The following CLCN5 variants were observed in gnomAD, a reference collection of about 807,000 sequenced individuals.
CLCN5 encodes Cl-/H+ antiporter 5, also known as H(+)/Cl(-) exchange transporter 5.
Under a neutral mutation model 54.0 loss-of-function variants are expected in CLCN5, and 17 were observed. That is an observed-to-expected ratio of 0.31 (90% CI 0.22 to 0.47). The LOEUF is 0.47. Ranked by LOEUF, CLCN5 falls within the 20% of genes least tolerant of loss-of-function variation. CLCN5 has a pLI of 1.00. For missense variants in CLCN5, 448 were observed against 646.7 expected (o/e 0.69, Z 3.33); for synonymous variants, 222 against 233.0 (o/e 0.95, Z 0.43).
rs1332637099 is a variant in CLCN5, at chrX:50,081,568, G to GGT, written c.727-72_727-71dup. On this transcript the variant is annotated intron_variant, in intron 8 of 14. Transcript: ENST00000376091. ...TCAAAAGGTGCAGTTTCTATAATGA[G>GGT]GTCCAGATTTTTGCTTCTTAGCCTT... is the stretch of plus-strand genomic sequence containing the variant. 5 of 784,933 alleles carry GGT rather than the reference G, an allele frequency of 6.4e-6. No homozygotes were observed. In the Admixed American group the frequency reaches 8.8e-5, roughly 14 times the overall value. The allele number at this position is 784,933 out of a possible 1,213,427, so 64.7% of individuals were successfully genotyped here. A position where few individuals can be genotyped will look rare whatever the true frequency, so the allele number is the denominator to read the frequency against.
chrX:50,006,230 T>C (rs782687236), intron 3 of CLCN5, among the ~76,000 whole-genome samples: 5 of 112,282 alleles, frequency 4.5e-5, no homozygotes, highest in South Asian at 3.7e-4. Flanking sequence ...ATACATTGCA[T>C]GTGAAGTGTG....
At chrX:50,040,930 C>T (rs1932193117) in intron 3 of CLCN5, among the ~76,000 whole-genome samples, 1 of 112,128 alleles carries the variant, frequency 8.9e-6, no homozygotes, top group Non-Finnish European at 1.9e-5. Flanking sequence ...TTAAAAACAA[C>T]AACAACAACA....
intron 4 of CLCN5, among the ~76,000 whole-genome samples, chrX:50,056,178 A>G (rs1213797835): frequency 9.0e-6 from 1 of 110,652 alleles, no homozygotes; most frequent in Non-Finnish European, 1.9e-5. Flanking sequence ...ACTAAAGAAT[A>G]ATTGCTAGTC....
intron 3 of CLCN5, among the ~76,000 whole-genome samples, chrX:50,040,554 A>G (rs1043275396): frequency 8.0e-5 from 9 of 112,289 alleles, no homozygotes; most frequent in African/African-American, 2.9e-4. Flanking sequence ...TTTATTTTAA[A>G]TTGACATATA....
At chrX:49,957,251 G>T (rs1927376343) in intron 3 of CLCN5, among the ~76,000 whole-genome samples, 1 of 111,350 alleles carries the variant, frequency 9.0e-6, no homozygotes, top group Non-Finnish European at 1.9e-5. Context: ...AGTGAGCCAA[G>T]ATTGCACCAC....
chrX:50,002,278 G>T (rs1290525151), intron 3 of CLCN5, among the ~76,000 whole-genome samples: 1 of 110,441 alleles, frequency 9.1e-6, no homozygotes, highest in Non-Finnish European at 1.9e-5. Flanking sequence ...TGTCTAATAA[G>T]TATCTCAAAA....
intron 3 of CLCN5, among the ~76,000 whole-genome samples, chrX:50,028,576 A>G (rs1179471097): frequency 8.9e-6 from 1 of 111,763 alleles, no homozygotes; most frequent in Non-Finnish European, 1.9e-5. Context: ...GTCTGTATCC[A>G]TCTGTCTCTT....
At chrX:50,034,425 T>C (rs1406313866) in intron 3 of CLCN5, among the ~76,000 whole-genome samples, 1 of 111,980 alleles carries the variant, frequency 8.9e-6, no homozygotes, top group Non-Finnish European at 1.9e-5. Flanking sequence ...TCCTCTTGCA[T>C]TCTCCCTTTT....
chrX:49,952,936 A>G (rs1456143074), intron 3 of CLCN5, among the ~76,000 whole-genome samples: 1 of 100,258 alleles, frequency 1.0e-5, no homozygotes, highest in Non-Finnish European at 2.0e-5. Context: ...CCCAGGCTGG[A>G]GTGCAATGGC....
intron 3 of CLCN5, among the ~76,000 whole-genome samples, chrX:49,940,564 C>T (rs781851494): frequency 8.9e-6 from 1 of 112,286 alleles, no homozygotes; most frequent in Admixed American, 9.5e-5. Flanking sequence ...TTTGGAAGGA[C>T]GGTATCTGCT....
intron 3 of CLCN5, among the ~76,000 whole-genome samples, chrX:49,965,221 G>A (rs1927781571): frequency 9.0e-6 from 1 of 111,193 alleles, no homozygotes; most frequent in South Asian, 3.7e-4. Context: ...TTGAGAACAT[G>A]TGATTTTTAT....
intron 4 of CLCN5, among the ~76,000 whole-genome samples, chrX:50,056,558 C>A (rs1557188975): frequency 8.9e-6 from 1 of 111,845 alleles, no homozygotes; most frequent in African/African-American, 3.3e-5. Context: ...TGGGAGCCTG[C>A]AGATACCAAG....
At position 50,045,238 on chromosome X, in the gene CLCN5, C is replaced by G. The variant is rs782638369; in HGVS notation, c.163+2776C>G. 2.7e-5 allele frequency among the ~76,000 whole-genome samples: 3 copies of G among 111,291 alleles called. No individual in the cohort carries two copies. In the South Asian group the frequency reaches 1.2e-3, roughly 43 times the overall value. On this transcript the variant is annotated intron_variant, in intron 4 of 14. Coordinates refer to ENST00000376091, the MANE Select transcript of CLCN5 (RefSeq NM_001127898.4). ...GGAAAGGGACAGTAGGAGAGGGCCC[C>G]TGAATTTAAAGTTCATAAAGGAAGG...
chrX:50,081,593 T>C, intron 8 of CLCN5, 48 bp from the exon 9 acceptor site: 2 of 1,069,972 alleles, frequency 1.9e-6, no homozygotes, highest in East Asian at 3.0e-5. Flanking sequence ...TTCTTAGCCT[T>C]GTTGACTTCC....
intron 3 of CLCN5, among the ~76,000 whole-genome samples, chrX:49,955,695 ATT>A (rs1409694080): frequency 9.0e-6 from 1 of 111,722 alleles, no homozygotes; most frequent in Non-Finnish European, 1.9e-5. Flanking sequence ...ACATGGCACG[ATT>A]CTTTCTTTTT....
chrX:49,965,244 CT>C (rs1294939980), intron 3 of CLCN5, among the ~76,000 whole-genome samples: 1 of 111,162 alleles, frequency 9.0e-6, no homozygotes, highest in Non-Finnish European at 1.9e-5. Context: ...ATTTTTTCAG[CT>C]CTATTGAGAT....
intron 5 of CLCN5, among the ~76,000 whole-genome samples, 194 bp downstream of exon 5, chrX:50,070,224 G>C (rs1933175493): frequency 8.9e-6 from 1 of 112,198 alleles, no homozygotes; most frequent in African/African-American, 3.2e-5. Context: ...TATACTTTAA[G>C]TTCTAGGGTA....
At chrX:50,039,719 G>A (rs1932142533) in intron 3 of CLCN5, among the ~76,000 whole-genome samples, 1 of 109,747 alleles carries the variant, frequency 9.1e-6, no homozygotes. Context: ...TTGAGATGGA[G>A]TCTTGCTCTG....
At chrX:49,954,595 G>A (rs1405220542) in intron 3 of CLCN5, among the ~76,000 whole-genome samples, 3 of 110,724 alleles carry the variant, frequency 2.7e-5, no homozygotes, top group Non-Finnish European at 5.7e-5. Flanking sequence ...TAGGTCTAAG[G>A]GGTCTAAGGG....
Sources: gnomAD v4.1 joint callset for allele counts (sites outside exome capture counted in the v4.1 genomes callset) on GRCh38, gnomAD v4.1.1 for gene constraint, MANE v1.5 for transcripts, NCBI Gene and HGNC (gene_info 2026-07-23, HGNC 2026-07-21) for gene names.